FKBP5: variants seen among roughly 807,000 people sequenced by gnomAD.
The protein encoded by FKBP5 is FKBP prolyl isomerase 5.
Under a neutral mutation model 50.5 loss-of-function variants are expected in FKBP5, and 23 were observed. That is an observed-to-expected ratio of 0.46 (90% CI 0.33 to 0.65). The LOEUF (loss-of-function observed/expected upper bound fraction) is 0.65, where lower values mean the gene tolerates loss of function less well. FKBP5 is among the 30% of genes least tolerant of loss of function. The pLI, the probability that FKBP5 is intolerant of heterozygous loss-of-function variation, is 0.02. For synonymous variants in FKBP5, 176 were observed against 190.6 expected, an observed-to-expected ratio of 0.92 and a Z score of 0.63; for missense variants, 411 against 553.1, an observed-to-expected ratio of 0.74 and a Z score of 2.58.
At chr6:35,668,482 T>C (rs940701776) in intron 1 of FKBP5, among the ~76,000 whole-genome samples, 1 of 152,242 alleles carries the variant, frequency 6.6e-6, no homozygotes. Context: ...AAGTGACATG[T>C]AATACAGCTA....
At chr6:35,721,223 G>A (rs1766603927) in intron 1 of FKBP5, among the ~76,000 whole-genome samples, 2 of 151,942 alleles carry the variant, frequency 1.3e-5, no homozygotes, top group Non-Finnish European at 2.9e-5. Flanking sequence ...ATGGTGGCAG[G>A]CGCCTGTAAT....
chr6:35,645,555 T>C (rs73748209), intron 1 of FKBP5, among the ~76,000 whole-genome samples: 5,379 of 152,244 alleles, frequency 0.035, 125 homozygotes, highest in African/African-American at 0.069. Flanking sequence ...GGATCCTGGA[T>C]TAGGGGACAA....
At chr6:35,697,339 G>A (rs1368622208) in intron 2 of FKBP5, among the ~76,000 whole-genome samples, 1 of 152,158 alleles carries the variant, frequency 6.6e-6, no homozygotes, top group African/African-American at 2.4e-5. Context: ...CCTGAGGTCG[G>A]GAGTTCAAGA....
chr6:35,660,264 AT>A (rs773891773), intron 1 of FKBP5, among the ~76,000 whole-genome samples: 22 of 46,730 alleles, frequency 4.7e-4, no homozygotes, highest in African/African-American at 7.4e-4. Flanking sequence ...CATTGATGCT[AT>A]TTTTTTTTTT....
chr6:35,597,730 T>A (rs1321735760), intron 5 of FKBP5, among the ~76,000 whole-genome samples: 2 of 152,218 alleles, frequency 1.3e-5, no homozygotes, highest in Non-Finnish European at 2.9e-5. Context: ...CAAGAGATGC[T>A]GAATTATTTA....
chr6:35,635,026 CAAAAAAAAA>C (rs35794477), intron 3 of FKBP5, among the ~76,000 whole-genome samples: 2 of 75,140 alleles, frequency 2.7e-5, no homozygotes, highest in Non-Finnish European at 5.2e-5. Context: ...CCTGTCTCTA[CAAAAAAAAA>C]AAAAAAAAAA....
chr6:35,684,131 C>T (rs915551909), intron 1 of FKBP5, among the ~76,000 whole-genome samples: 3 of 151,698 alleles, frequency 2.0e-5, no homozygotes, highest in Non-Finnish European at 4.4e-5. Flanking sequence ...CTTAAAAACC[C>T]ATTATTTCAC....
intron 1 of FKBP5, among the ~76,000 whole-genome samples, chr6:35,655,011 C>A (rs895060201): frequency 6.6e-6 from 1 of 151,976 alleles, no homozygotes. Flanking sequence ...CATAGTGAAA[C>A]CCTGACTCTT....
chr6:35,688,527 C>T (rs1765902690), intron 1 of FKBP5, among the ~76,000 whole-genome samples: 2 of 151,514 alleles, frequency 1.3e-5, no homozygotes, highest in Admixed American at 1.3e-4. Flanking sequence ...GAGCGGCGCC[C>T]GCGGTCACTA....
Position 35,587,040 on chromosome 6 carries a change from G to A in FKBP5, c.834C>T (p.Tyr278=), listed in dbSNP as rs560017902. 1.1e-5 allele frequency: 18 copies of A among 1,613,880 alleles called. No individual in the cohort carries two copies. In the South Asian group the frequency reaches 1.9e-4, roughly 17 times the overall value. ...AAIVKEKGTV[Y]FKGGKYMQAV... ...TGCATAGGGACTCACACACCTTGAA[G>A]TATACGGTTCCCTTCTCTTTGACAA... Residue 278 remains tyrosine (Y), a synonymous_variant, in exon 8 of 11, where the codon TAC becomes TAT. Coordinates refer to ENST00000357266, the MANE Select transcript of FKBP5 (RefSeq NM_004117.4).
chr6:35,662,622 G>A (rs1765103437), intron 1 of FKBP5, among the ~76,000 whole-genome samples: 1 of 151,604 alleles, frequency 6.6e-6, no homozygotes, highest in East Asian at 1.9e-4. Context: ...TCTCAAACTG[G>A]GTATACTAAT....
chr6:35,691,104 G>C (rs563055185), upstream of FKBP5, among the ~76,000 whole-genome samples: 13 of 152,232 alleles, frequency 8.5e-5, no homozygotes, highest in African/African-American at 3.1e-4. Flanking sequence ...CAACCCTCAA[G>C]GGCTTCATTA....
At chr6:35,683,118 ATATG>A (rs1195934953) in intron 1 of FKBP5, among the ~76,000 whole-genome samples, 2,954 of 108,760 alleles carry the variant, frequency 0.027, 251 homozygotes, top group Middle Eastern at 0.056. Context: ...ATATATACGT[ATATG>A]TGTGTGTGTG....
intron 7 of FKBP5, among the ~76,000 whole-genome samples, chr6:35,590,837 C>G (rs1247415705): frequency 6.9e-6 from 1 of 144,790 alleles, no homozygotes; most frequent in Non-Finnish European, 1.5e-5. Context: ...ACAAAAAGAA[C>G]AAGTCTAGGA....
intron 3 of FKBP5, 36 bp from the exon 4 acceptor site, chr6:35,620,310 C>T (rs758816664): frequency 3.3e-5 from 53 of 1,585,166 alleles, no homozygotes; most frequent in Middle Eastern, 3.4e-4. Context: ...AAGCTATAAG[C>T]CCTATTTAAA....
chr6:35,696,280 G>A (rs1246942816), intron 2 of FKBP5, among the ~76,000 whole-genome samples: 1 of 152,016 alleles, frequency 6.6e-6, no homozygotes, highest in Admixed American at 6.6e-5. Flanking sequence ...CCAGCACTTT[G>A]GGAGGCAGGT....
At chr6:35,665,148 G>A (rs1765178242) in intron 1 of FKBP5, among the ~76,000 whole-genome samples, 1 of 152,136 alleles carries the variant, frequency 6.6e-6, no homozygotes, top group South Asian at 2.1e-4. Context: ...TACACTGCTA[G>A]TGAAGCCTTT....
At chr6:35,725,380 T>C (rs528662006) in intron 1 of FKBP5, among the ~76,000 whole-genome samples, 1 of 152,190 alleles carries the variant, frequency 6.6e-6, no homozygotes, top group South Asian at 2.1e-4. Context: ...GGAATATTGC[T>C]AAAAGGCTTG....
intron 6 of FKBP5, among the ~76,000 whole-genome samples, chr6:35,595,750 CAAAA>C (rs763300374): frequency 7.4e-6 from 1 of 135,656 alleles, no homozygotes; most frequent in Admixed American, 7.3e-5. Context: ...ATCCTGTTAC[CAAAA>C]AAAAAAAAGT....
Sources: allele counts gnomAD v4.1 joint callset (sites outside exome capture counted in the v4.1 genomes callset), GRCh38; gene constraint gnomAD v4.1.1; transcripts MANE v1.5; gene names NCBI Gene and HGNC (gene_info 2026-07-23, HGNC 2026-07-21).